Variants in GFRA1 observed in about 807,000 individuals in gnomAD.
GFRA1 encodes the protein GDNF family receptor alpha 1, also known as GDNF family receptor alpha-1.
A neutral mutation model predicts 51.6 loss-of-function variants in GFRA1; 16 were observed. The observed-to-expected ratio is 0.31, with a 90% CI of 0.21 to 0.47. The LOEUF (loss-of-function observed/expected upper bound fraction) is 0.47, where lower values mean the gene tolerates loss of function less well. Ranked by LOEUF, GFRA1 falls within the 20% of genes least tolerant of loss-of-function variation. The pLI, the probability that GFRA1 is intolerant of heterozygous loss-of-function variation, is 1.00. For synonymous variants in GFRA1, 270 were observed against 241.3 expected (o/e 1.12, Z -1.10); for missense variants, 530 against 594.3 (o/e 0.89, Z 1.13).
chr10:116,114,280 T>C (rs1458097177), intron 6 of GFRA1, among the ~76,000 whole-genome samples: 1 of 152,238 alleles, frequency 6.6e-6, no homozygotes, highest in East Asian at 1.9e-4. Flanking sequence ...CCCCACTCTG[T>C]GCCCAGCAGT....
At chr10:116,159,098 T>C (rs1222143526) in intron 5 of GFRA1, among the ~76,000 whole-genome samples, 3 of 152,216 alleles carry the variant, frequency 2.0e-5, no homozygotes, top group Admixed American at 6.5e-5. Flanking sequence ...TATTCAACTA[T>C]GGACAATCCA....
intron 6 of GFRA1, among the ~76,000 whole-genome samples, chr10:116,116,922 G>A (rs1218510797): frequency 2.6e-5 from 4 of 152,190 alleles, no homozygotes; most frequent in African/African-American, 4.8e-5. Flanking sequence ...AGAGTGTCTG[G>A]ATTCAGAGGC....
chr10:116,156,919 T>C (rs1433937671), intron 5 of GFRA1, among the ~76,000 whole-genome samples: 2 of 152,166 alleles, frequency 1.3e-5, no homozygotes, highest in Non-Finnish European at 2.9e-5. Context: ...CCCTCATTTA[T>C]AAATTTAACA....
At chr10:116,254,003 C>T (rs1968603464) in intron 4 of GFRA1, among the ~76,000 whole-genome samples, 1 of 152,092 alleles carries the variant, frequency 6.6e-6, no homozygotes, top group African/African-American at 2.4e-5. Context: ...GGCTAACACT[C>T]AGGCTTTTAT....
Position 116,125,476 on chromosome 10 carries a change from G to A in GFRA1, c.515C>T (p.Ser172Leu), listed in dbSNP as rs747819350. 8 of 1,613,952 alleles carry A rather than the reference G, an allele frequency of 5.0e-6. No homozygotes were observed. The highest frequency in any genetic ancestry group is 6.8e-6 in the Non-Finnish European group (8 of 1,179,974). ...NLDDICKKYRSAYITPCTTSV... is the reference protein window; with the variant it reads ...NLDDICKKYRLAYITPCTTSV... ...GGTGGTGCACGGGGTGATGTACGCC[G>A]ACCTGTACTTCTTGCAAATGTCGTC... The change falls in exon 6 of 11, where the codon TCG becomes TTG. Residue 172 changes from serine to leucine, a missense_variant. Transcript: ENST00000355422.
intron 5 of GFRA1, among the ~76,000 whole-genome samples, chr10:116,185,898 T>C (rs1962662938): frequency 1.3e-5 from 2 of 152,378 alleles, no homozygotes; most frequent in African/African-American, 2.4e-5. Flanking sequence ...TGGATTGATA[T>C]CTAGGCATGG....
intron 2 of GFRA1, among the ~76,000 whole-genome samples, chr10:116,271,418 A>G (rs1419904764): frequency 6.6e-6 from 1 of 151,862 alleles, no homozygotes; most frequent in Non-Finnish European, 1.5e-5. Context: ...GCCCCGGGGC[A>G]TCCTGGCCTG....
At chr10:116,077,806 G>A (rs529000558) in intron 9 of GFRA1, among the ~76,000 whole-genome samples, 8 of 152,310 alleles carry the variant, frequency 5.3e-5, no homozygotes, top group Middle Eastern at 3.4e-3. Flanking sequence ...CAGGCTGGGG[G>A]GGACAGCTTG....
At chr10:116,083,637 G>A (rs1955956569) in intron 9 of GFRA1, among the ~76,000 whole-genome samples, 1 of 152,154 alleles carries the variant, frequency 6.6e-6, no homozygotes, top group African/African-American at 2.4e-5. Flanking sequence ...CTTGGTCACA[G>A]CCAGTGGAGT....
chr10:116,258,420 A>T (rs989348164), intron 4 of GFRA1, among the ~76,000 whole-genome samples: 41 of 128,764 alleles, frequency 3.2e-4, no homozygotes, highest in African/African-American at 1.0e-3. Context: ...TATTAATAAA[A>T]TAAATATAAA....
At chr10:116,081,231 G>C (rs761766610) in intron 9 of GFRA1, among the ~76,000 whole-genome samples, 2 of 152,182 alleles carry the variant, frequency 1.3e-5, no homozygotes, top group Non-Finnish European at 2.9e-5. Flanking sequence ...TGAAGCAAGG[G>C]CCGTCTTGTT....
intron 7 of GFRA1, among the ~76,000 whole-genome samples, chr10:116,095,111 G>C (rs759938696): frequency 6.6e-6 from 1 of 152,246 alleles, no homozygotes; most frequent in Non-Finnish European, 1.5e-5. Context: ...TCATGGAAAT[G>C]CTGGCAGTAC....
rs1280556475 is a variant in GFRA1 at position 116,064,468 on chromosome 10, C to A, written c.1328G>T (p.Gly443Val). The A allele has an allele frequency of 1.2e-6, 2 of 1,613,368 alleles. No individual in the cohort carries two copies. The highest frequency in any genetic ancestry group is 1.7e-6 in the Non-Finnish European group (2 of 1,179,680). Reference protein sequence around the residue: ...TKSMAAPPSCGLSPLLVLVVT... With the variant: ...TKSMAAPPSCVLSPLLVLVVT... ...CACCAGGACCAGCAGTGGGCTCAGACCACAGCTTGGAGGAGCAGCCATTGA... is the reference window on the plus strand; with the variant it reads ...CACCAGGACCAGCAGTGGGCTCAGAACACAGCTTGGAGGAGCAGCCATTGA... Residue 443 changes from glycine to valine, a missense_variant, in exon 11 of 11, where the codon GGT becomes GTT. Coordinates refer to ENST00000355422, the MANE Select transcript of GFRA1 (RefSeq NM_005264.8).
At chr10:116,218,710 C>T (rs745350794) in intron 4 of GFRA1, among the ~76,000 whole-genome samples, 4 of 152,180 alleles carry the variant, frequency 2.6e-5, no homozygotes, top group Non-Finnish European at 5.9e-5. Context: ...AACAGAGCCC[C>T]GGTGAGCCTT....
At chr10:116,254,512 A>AT (rs1968667065) in intron 4 of GFRA1, among the ~76,000 whole-genome samples, 1 of 151,426 alleles carries the variant, frequency 6.6e-6, no homozygotes, top group Non-Finnish European at 1.5e-5. Context: ...CTCTATTAAA[A>AT]AAAAAAAGAA....
intron 6 of GFRA1, among the ~76,000 whole-genome samples, chr10:116,109,392 A>G (rs1022534499): frequency 6.6e-6 from 1 of 152,224 alleles, no homozygotes; most frequent in African/African-American, 2.4e-5. Flanking sequence ...TAGGCCCAAT[A>G]AAAGAATGAC....
At chr10:116,085,689 T>C (rs1320154460) in intron 9 of GFRA1, among the ~76,000 whole-genome samples, 1 of 151,512 alleles carries the variant, frequency 6.6e-6, no homozygotes, top group African/African-American at 2.4e-5. Flanking sequence ...CACTCTCTCA[T>C]CCCCCCCATC....
At chr10:116,131,219 A>C (rs895082476) in intron 5 of GFRA1, among the ~76,000 whole-genome samples, 3 of 152,164 alleles carry the variant, frequency 2.0e-5, no homozygotes, top group Non-Finnish European at 4.4e-5. Context: ...AATGAGATAC[A>C]CTCTACACTC....
At position 116,250,815 on chromosome 10, in the gene GFRA1, C is replaced by A. The variant is rs1332455861; in HGVS notation, c.418+18688G>T. Among the ~76,000 whole-genome samples the A allele has an allele frequency of 2.6e-5, 4 of 152,220 alleles. No individual in the cohort carries two copies. The East Asian group carries it at 7.7e-4, about 29-fold the overall frequency. ...CTGAGCCCTGGTGGTGGCCTGGTCC[C>A]ATTGCTAGCCCCCTGCACAGGGCAG... On this transcript the variant is annotated intron_variant, in intron 4 of 10. Coordinates refer to ENST00000355422, the MANE Select transcript of GFRA1 (RefSeq NM_005264.8).
Sources: allele counts gnomAD v4.1 joint callset (sites outside exome capture counted in the v4.1 genomes callset), GRCh38; gene constraint gnomAD v4.1.1; transcripts MANE v1.5; gene names NCBI Gene and HGNC (gene_info 2026-07-23, HGNC 2026-07-21).